LRMDA: variants seen among roughly 807,000 people sequenced by gnomAD.
The protein encoded by LRMDA is leucine rich melanocyte differentiation associated, also known as leucine-rich melanocyte differentiation-associated protein.
In LRMDA, 18 loss-of-function variants were observed where a neutral mutation model predicts 29.8. The observed-to-expected ratio is 0.60, with a 90% CI of 0.42 to 0.90. The LOEUF is 0.90. LRMDA is among the 40% of genes least tolerant of loss of function. The pLI, the probability that LRMDA is intolerant of heterozygous loss-of-function variation, is 0.00. For synonymous variants in LRMDA, 125 were observed against 109.4 expected, an observed-to-expected ratio of 1.14 and a Z score of -0.89; for missense variants, 273 against 273.9, an observed-to-expected ratio of 1.00 and a Z score of 0.02.
intron 2 of LRMDA, among the ~76,000 whole-genome samples, chr10:75,632,517 T>G (rs550759471): frequency 1.3e-5 from 2 of 152,288 alleles, no homozygotes; most frequent in Non-Finnish European, 2.9e-5. Context: ...CTCTCAGACT[T>G]ATTAGAAAGT....
At chr10:76,197,286 A>G (rs1026127494) in intron 5 of LRMDA, among the ~76,000 whole-genome samples, 1 of 152,272 alleles carries the variant, frequency 6.6e-6, no homozygotes, top group African/African-American at 2.4e-5. Flanking sequence ...TGATCAGGGC[A>G]GAATAGATAC....
At chr10:76,491,001 A>G (rs2132335223) in intron 6 of LRMDA, among the ~76,000 whole-genome samples, 1 of 152,100 alleles carries the variant, frequency 6.6e-6, no homozygotes, top group Non-Finnish European at 1.5e-5. Context: ...ATAACTCATC[A>G]TTTGAAACTG....
chr10:75,907,097 T>C (rs1345076781), intron 2 of LRMDA, among the ~76,000 whole-genome samples: 2 of 152,208 alleles, frequency 1.3e-5, no homozygotes, highest in South Asian at 2.1e-4. Flanking sequence ...GGGAAAATTA[T>C]TGTTGTGAAA....
intron 2 of LRMDA, among the ~76,000 whole-genome samples, chr10:75,807,079 G>C (rs145334051): frequency 7.2e-5 from 11 of 151,896 alleles, no homozygotes; most frequent in South Asian, 6.2e-4. Flanking sequence ...GAATCCCTGT[G>C]GGGGGTGAGT....
intron 5 of LRMDA, among the ~76,000 whole-genome samples, chr10:76,254,413 GCTATACTATA>G (rs1287383423): frequency 6.9e-6 from 1 of 144,980 alleles, no homozygotes; most frequent in East Asian, 2.1e-4. Context: ...GCTATGCTAT[GCTATACTATA>G]CTATACTGAA....
intron 5 of LRMDA, among the ~76,000 whole-genome samples, chr10:76,276,306 ATT>A (rs112066155): frequency 2.0e-5 from 3 of 147,100 alleles, no homozygotes; most frequent in African/African-American, 7.4e-5. Context: ...TGTCCAGCTA[ATT>A]TTTTTTTTTC....
At chr10:75,876,061 G>A (rs1845192723) in intron 2 of LRMDA, among the ~76,000 whole-genome samples, 1 of 152,200 alleles carries the variant, frequency 6.6e-6, no homozygotes, top group Non-Finnish European at 1.5e-5. Flanking sequence ...GGACCCTGGT[G>A]GGAGGATATG....
rs531729040 is a variant in LRMDA at position 76,055,063 on chromosome 10, C to CAAAAAAA, written c.399-3578_399-3572dup. Among the ~76,000 whole-genome samples, 370 of 45,868 alleles carry CAAAAAAA rather than the reference C, an allele frequency of 8.1e-3. 1 individual carries two copies. The highest frequency in any genetic ancestry group is 0.023 in the Middle Eastern group (1 of 44). 30.1% of individuals were successfully genotyped at this position (45,868 alleles called of 152,430 possible). ...TGGGCAACAGAGCAAGACTCCATCTCAAAAAAAAAAAAAAAAAAAAAAAAA... is the reference window on the plus strand; with the variant it reads ...TGGGCAACAGAGCAAGACTCCATCTCAAAAAAAAAAAAAAAAAAAAAAAAAAAAAAAA... On this transcript the variant is annotated intron_variant, in intron 4 of 6. Transcript: ENST00000611255.
chr10:76,223,484 C>T (rs540174350), intron 5 of LRMDA, among the ~76,000 whole-genome samples: 10 of 152,122 alleles, frequency 6.6e-5, no homozygotes, highest in Non-Finnish European at 1.3e-4. Context: ...ATCATGTGTT[C>T]CCCCAAAATT....
At chr10:75,658,775 T>A (rs1222586495) in intron 2 of LRMDA, among the ~76,000 whole-genome samples, 1 of 138,822 alleles carries the variant, frequency 7.2e-6, no homozygotes, top group African/African-American at 3.4e-5. Flanking sequence ...ATTGTGGTGA[T>A]AATAGAATTT....
chr10:76,350,440 AT>A (rs750864656), intron 6 of LRMDA, among the ~76,000 whole-genome samples: 489 of 142,498 alleles, frequency 3.4e-3, no homozygotes, highest in South Asian at 0.019. Flanking sequence ...ATGGGGACCG[AT>A]TTTTTTTTTT....
intron 2 of LRMDA, among the ~76,000 whole-genome samples, chr10:75,934,866 A>G (rs1589258594): frequency 6.6e-6 from 1 of 152,300 alleles, no homozygotes; most frequent in Middle Eastern, 3.4e-3. Context: ...GTTCTGTACA[A>G]CAGTTGGAGC....
At chr10:76,193,366 A>G (rs867333480) in intron 5 of LRMDA, among the ~76,000 whole-genome samples, 1 of 152,192 alleles carries the variant, frequency 6.6e-6, no homozygotes, top group Non-Finnish European at 1.5e-5. Context: ...CCCTGCTTCA[A>G]TCATTCTCTT....
chr10:76,075,907 A>G (rs1848948818), intron 5 of LRMDA, among the ~76,000 whole-genome samples: 1 of 152,198 alleles, frequency 6.6e-6, no homozygotes, highest in Non-Finnish European at 1.5e-5. Flanking sequence ...TTTTGAGTAA[A>G]TGAGTGTCTG....
At chr10:76,350,763 G>C (rs868800928) in intron 6 of LRMDA, among the ~76,000 whole-genome samples, 3 of 152,254 alleles carry the variant, frequency 2.0e-5, no homozygotes, top group Middle Eastern at 3.4e-3. Context: ...TAGTGGTTTT[G>C]CGGTGTGGAA....
At chr10:76,114,301 T>A (rs1249386551) in intron 5 of LRMDA, among the ~76,000 whole-genome samples, 2 of 152,248 alleles carry the variant, frequency 1.3e-5, no homozygotes, top group African/African-American at 4.8e-5. Flanking sequence ...ATACTTTGTG[T>A]AATGAAAGAT....
At chr10:76,047,030 C>A in intron 3 of LRMDA, 134 bp from the exon 4 acceptor site, 1 of 948,416 alleles carries the variant, frequency 1.1e-6, no homozygotes, top group Non-Finnish European at 1.6e-6. Context: ...CGTATACCCA[C>A]AGCTGAATTG....
intron 6 of LRMDA, among the ~76,000 whole-genome samples, chr10:76,493,007 C>T (rs796751830): frequency 3.3e-5 from 5 of 152,106 alleles, no homozygotes; most frequent in African/African-American, 9.6e-5. Flanking sequence ...ACCCAAGGTC[C>T]ACTGTAACCA....
At chr10:76,418,860 C>G (rs1842045378) in intron 6 of LRMDA, among the ~76,000 whole-genome samples, 2 of 152,016 alleles carry the variant, frequency 1.3e-5, no homozygotes, top group Admixed American at 6.6e-5. Flanking sequence ...TAGAGGTGAT[C>G]ATTTGCTTTT....
Sources: allele counts gnomAD v4.1 joint callset (sites outside exome capture counted in the v4.1 genomes callset), GRCh38; gene constraint gnomAD v4.1.1; transcripts MANE v1.5; gene names NCBI Gene and HGNC (gene_info 2026-07-23, HGNC 2026-07-21).